Variants in DDN observed in about 807,000 individuals in gnomAD.
The protein encoded by DDN is dendrin.
Under a neutral mutation model 7.3 loss-of-function variants are expected in DDN, and 4 were observed. That is an observed-to-expected ratio of 0.55 (90% CI 0.27 to 1.25). The LOEUF (loss-of-function observed/expected upper bound fraction) is 1.25. DDN is among the 50% of genes most tolerant of loss of function. The pLI, the probability that DDN is intolerant of heterozygous loss-of-function variation, is 0.12. For synonymous variants in DDN, 425 were observed against 424.3 expected (o/e 1.00, Z -0.02); for missense variants, 933 against 974.7 (o/e 0.96, Z 0.57).
In DDN at chr12:48,998,284, G is replaced by T; in HGVS notation, c.592C>A (p.Pro198Thr). 6.2e-7 allele frequency: 1 copy of T among 1,602,102 alleles called. No homozygotes were observed. The highest frequency in any genetic ancestry group is 8.5e-7 in the Non-Finnish European group (1 of 1,175,712). The change falls in exon 2 of 2, where the codon CCC becomes ACC. Residue 198 changes from proline (P) to threonine (T), a missense_variant. By Grantham distance (38) the Pro-to-Thr change is conservative (BLOSUM62 -1). Coordinates refer to ENST00000421952, the MANE Select transcript of DDN (RefSeq NM_015086.2). The part of the protein sequence containing the change: ...AWAGPWGGRR[P>T]GPPSYEAHLL... ...TGAGCCTCGTAGCTTGGGGGCCCGG[G>T]CCGCCGACCTCCCCAGGGCCCCGCC...
In DDN at chr12:48,999,364, C is replaced by A; in HGVS notation, c.-77G>T. On this transcript the variant is annotated 5_prime_UTR_variant, in exon 1 of 2. Transcript: ENST00000421952. Reference sequence around the variant, plus strand: ...CCTCCCAGCCCAGGGAGCCGGCGCCCACTGCAGAGCCGCGGGCCCGGGGAC... The same window carrying A: ...CCTCCCAGCCCAGGGAGCCGGCGCCAACTGCAGAGCCGCGGGCCCGGGGAC... 2 of 1,358,556 alleles carry A rather than the reference C, an allele frequency of 1.5e-6. No individual in the cohort carries two copies. Among genetic ancestry groups the A allele is most frequent in the South Asian group, 1.4e-5 (1 of 70,830 alleles). The allele number at this position is 1,358,556 out of a possible 1,614,324, so 84.2% of individuals were successfully genotyped here.
Position 48,997,070 on chromosome 12 carries a change from C to A in DDN, c.1806G>T (p.Arg602=). ...VQRRAGRGWA[R]TPGPYAGALR... ...GGGCCCCGGCGTAGGGCCCTGGGGT[C>A]CGCGCCCAGCCCCGGCCGGCGCGCC... The change falls in exon 2 of 2, where the codon CGG becomes CGT. Residue 602 remains arginine, a synonymous_variant. Coordinates refer to ENST00000421952, the MANE Select transcript of DDN (RefSeq NM_015086.2). 6.6e-7 allele frequency: 1 copy of A among 1,525,768 alleles called. No individual in the cohort carries two copies. The highest frequency in any genetic ancestry group is 8.7e-7 in the Non-Finnish European group (1 of 1,144,810). 94.5% of individuals were successfully genotyped at this position (1,525,768 alleles called of 1,614,324 possible).
chr12:48,997,068 G>T lies in DDN; in HGVS notation c.1808C>A (p.Thr603Asn), dbSNP rs757772276. 2 of 1,528,196 alleles carry T rather than the reference G, an allele frequency of 1.3e-6. No individual in the cohort carries two copies. Among genetic ancestry groups the T allele is most frequent in the East Asian group, 2.3e-5 (1 of 44,122 alleles). The allele number at this position is 1,528,196 out of a possible 1,614,324, so 94.7% of individuals were successfully genotyped here. A position where few individuals can be genotyped will look rare whatever the true frequency, so the allele number is the denominator to read the frequency against. Residue 603 changes from threonine to asparagine, a missense_variant, in exon 2 of 2, where the codon ACC becomes AAC. Physicochemically the swap from Thr to Asn is moderately conservative, Grantham distance 65 (BLOSUM62 0). Transcript: ENST00000421952. ...CAGGGCCCCGGCGTAGGGCCCTGGG[G>T]TCCGCGCCCAGCCCCGGCCGGCGCG... ...QRRAGRGWAR[T>N]PGPYAGALRE...
rs1390408867 is a variant in DDN at position 48,996,957 on chromosome 12, G to A, written c.1919C>T (p.Ser640Phe). 2 of 1,579,944 alleles carry A rather than the reference G, an allele frequency of 1.3e-6. No homozygotes were observed. Among genetic ancestry groups the A allele is most frequent in the Admixed American group, 1.9e-5 (1 of 53,792 alleles). The change falls in exon 2 of 2, where the codon TCC becomes TTC. Residue 640 changes from serine to phenylalanine, a missense_variant. Ser to Phe is a radical substitution (Grantham distance 155, BLOSUM62 -2). Coordinates refer to ENST00000421952, the MANE Select transcript of DDN (RefSeq NM_015086.2). The stretch of plus-strand genomic sequence containing the variant: ...GGCTTCTGTGTCGCTTCCATCAGAG[G>A]AGCCGCTATGGACGCTGAGCTCCTC... ...EAEELSVHSG[S>F]SDGSDTEAPG...
Position 48,998,304 on chromosome 12 carries a change from C to T in DDN, c.572G>A (p.Gly191Glu). 1.3e-6 allele frequency: 2 copies of T among 1,585,190 alleles called. No individual in the cohort carries two copies. The highest frequency in any genetic ancestry group is 1.1e-5 in the South Asian group (1 of 88,862). Residue 191 changes from glycine (G) to glutamate (E), a missense_variant, in exon 2 of 2, where the codon GGG becomes GAG. Coordinates refer to ENST00000421952, the MANE Select transcript of DDN (RefSeq NM_015086.2). ...CCCGGGCCGCCGACCTCCCCAGGGC[C>T]CCGCCCACGCCGACCCTGGGTCGCT... Reference protein sequence around the residue: ...PQSDPGSAWAGPWGGRRPGPP... With the variant: ...PQSDPGSAWAEPWGGRRPGPP...
chr12:48,998,747 C>A, intron 1 of DDN, 81 bp from the exon 2 acceptor site: 1 of 1,414,766 alleles, frequency 7.1e-7, no homozygotes. Context: ...GCACTGGAGA[C>A]CACTTGGGGC....
rs533283963 is a variant in DDN at position 48,996,709 on chromosome 12, C to T, written c.*31G>A. The T allele has an allele frequency of 2.7e-5, 43 of 1,601,404 alleles. No homozygotes were observed. The highest frequency in any genetic ancestry group is 3.6e-5 in the Non-Finnish European group (42 of 1,171,508). Reference sequence around the variant, plus strand: ...GGACCAGTGGACCCAAGGATGGATGCGTTGGGGACACAAATACAAGAAGGG... The same window carrying T: ...GGACCAGTGGACCCAAGGATGGATGTGTTGGGGACACAAATACAAGAAGGG... On this transcript the variant is annotated 3_prime_UTR_variant, in exon 2 of 2. Transcript: ENST00000421952.
In DDN at chr12:48,997,055, G is replaced by T; in HGVS notation, c.1821C>A (p.Tyr607Ter). 6.5e-7 allele frequency: 1 copy of T among 1,547,390 alleles called. No individual in the cohort carries two copies. Reference sequence around the variant, plus strand: ...ACACGGCTTCTCGCAGGGCCCCGGCGTAGGGCCCTGGGGTCCGCGCCCAGC... The same window carrying T: ...ACACGGCTTCTCGCAGGGCCCCGGCTTAGGGCCCTGGGGTCCGCGCCCAGC... ...GRGWARTPGP[Y>*]AGALREAVSR... Residue 607 changes from tyrosine to a stop codon, truncating the protein, a stop_gained, in exon 2 of 2, where the codon TAC (tyrosine) becomes TAA (stop). Coordinates refer to ENST00000421952, the MANE Select transcript of DDN (RefSeq NM_015086.2). LOFTEE classifies it high-confidence loss of function.
chr12:48,997,554 CG>C lies in DDN; in HGVS notation c.1321del (p.Arg441AlafsTer20). The C allele has an allele frequency of 6.2e-7, 1 of 1,601,358 alleles. No homozygotes were observed. Among genetic ancestry groups the C allele is most frequent in the Non-Finnish European group, 8.5e-7 (1 of 1,171,494 alleles). ...KATRRAHTLP[R>X]SSQGLSRGEG... ...CCCACGGGACAGGCCCTGGGAACTG[CG>C]GGGCAAGGTGTGGGCACGGCGGGTC... is the stretch of plus-strand genomic sequence containing the variant. On this transcript the variant is annotated frameshift_variant, in exon 2 of 2. Coordinates refer to ENST00000421952, the MANE Select transcript of DDN (RefSeq NM_015086.2). LOFTEE classifies it low-confidence loss of function (END_TRUNC).
At position 48,995,730 on chromosome 12, in the gene DDN, C is replaced by T. The variant is rs906573625; in HGVS notation, c.*1010G>A. On this transcript the variant is annotated 3_prime_UTR_variant, in exon 2 of 2. Coordinates refer to ENST00000421952, the MANE Select transcript of DDN (RefSeq NM_015086.2). ...GGATTTTTTCAGGTGGGCGATACCA[C>T]CTGGGAGGGAGATCGTGGCCACGCC... 1 of 152,328 alleles carries T rather than the reference C, an allele frequency of 6.6e-6. No individual in the cohort carries two copies. Among genetic ancestry groups the T allele is most frequent in the East Asian group, 1.9e-4 (1 of 5,196 alleles). The allele number at this position is 152,328 out of a possible 1,614,324, so 9.4% of individuals were successfully genotyped here.
chr12:48,997,605 G>C lies in DDN; in HGVS notation c.1271C>G (p.Pro424Arg). 1 of 1,559,490 alleles carries C rather than the reference G, an allele frequency of 6.4e-7. No individual in the cohort carries two copies. The highest frequency in any genetic ancestry group is 1.2e-5 in the South Asian group (1 of 82,996). Residue 424 changes from proline to arginine, a missense_variant, in exon 2 of 2, where the codon CCG becomes CGG. Physicochemically the swap from Pro to Arg is moderately radical, Grantham distance 103 (BLOSUM62 -2). Transcript: ENST00000421952. ...CGCCTTCCAACCCTCCAGGGTCTCC[G>C]GTCCTGCCCCCTCTCCAAGACCCAG... ...ESLGLGEGAGPETLEGWKATR... is the reference protein window; with the variant it reads ...ESLGLGEGAGRETLEGWKATR...
Position 48,999,152 on chromosome 12 carries a change from T to C in DDN, c.136A>G (p.Ser46Gly). Reference sequence around the variant, plus strand: ...GGCTGTCGAGAAGGGGCGCGGCGACTATAATGACAGGAAATAGTCTTCACT... The same window carrying C: ...GGCTGTCGAGAAGGGGCGCGGCGACCATAATGACAGGAAATAGTCTTCACT... The part of the protein sequence containing the change: ...IEVKTISCHY[S>G]RRAPSRQPMD... The change falls in exon 1 of 2, where the codon AGT becomes GGT. Residue 46 changes from serine (S) to glycine (G), a missense_variant. Coordinates refer to ENST00000421952, the MANE Select transcript of DDN (RefSeq NM_015086.2). 6.2e-7 allele frequency: 1 copy of C among 1,614,088 alleles called. No homozygotes were observed. Among genetic ancestry groups the C allele is most frequent in the African/African-American group, 1.3e-5 (1 of 75,010 alleles).
rs1479847063 is a variant in DDN, at chr12:48,995,681, A to T, written c.*1059T>A. On this transcript the variant is annotated 3_prime_UTR_variant, in exon 2 of 2. Coordinates refer to ENST00000421952, the MANE Select transcript of DDN (RefSeq NM_015086.2). ...TCCTTGCCTGGCCGGTTTCTGGAAG[A>T]GGCCAAGATGGGAGAAATTCTCAGG... 1 of 152,284 alleles carries T rather than the reference A, an allele frequency of 6.6e-6. No individual in the cohort carries two copies. Among genetic ancestry groups the T allele is most frequent in the Non-Finnish European group, 1.5e-5 (1 of 68,058 alleles). The allele number at this position is 152,284 out of a possible 1,614,324, so 9.4% of individuals were successfully genotyped here.
Position 48,998,151 on chromosome 12 carries a change from G to A in DDN, c.725C>T (p.Thr242Ile). The A allele has an allele frequency of 6.2e-7, 1 of 1,613,390 alleles. No individual in the cohort carries two copies. Among genetic ancestry groups the A allele is most frequent in the Non-Finnish European group, 8.5e-7 (1 of 1,179,922 alleles). ...SYEGPHRTLGTKRGPGNSQVP... is the reference protein window; with the variant it reads ...SYEGPHRTLGIKRGPGNSQVP... Reference sequence around the variant, plus strand: ...CTGAGAGTTCCCGGGGCCTCTCTTAGTCCCCAAGGTCCTATGGGGGCCTTC... The same window carrying A: ...CTGAGAGTTCCCGGGGCCTCTCTTAATCCCCAAGGTCCTATGGGGGCCTTC... Residue 242 changes from threonine to isoleucine, a missense_variant, in exon 2 of 2, where the codon ACT becomes ATT. Thr to Ile is a moderately conservative substitution (Grantham distance 89). Coordinates refer to ENST00000421952, the MANE Select transcript of DDN (RefSeq NM_015086.2).
rs1941223326 is a variant in DDN, at chr12:48,997,398, G to A, written c.1478C>T (p.Ser493Leu). ...TRVVGDSPSQ[S>L]KPGKEEGEGA... Reference sequence around the variant, plus strand: ...TTCACCCTCCTCCTTGCCGGGCTTCGATTGGCTGGGGGAATCCCCCACCAC... The same window carrying A: ...TTCACCCTCCTCCTTGCCGGGCTTCAATTGGCTGGGGGAATCCCCCACCAC... The change falls in exon 2 of 2, where the codon TCG becomes TTG. Residue 493 changes from serine (S) to leucine (L), a missense_variant. Coordinates refer to ENST00000421952, the MANE Select transcript of DDN (RefSeq NM_015086.2). The A allele has an allele frequency of 1.9e-6, 3 of 1,613,910 alleles. No homozygotes were observed. Among genetic ancestry groups the A allele is most frequent in the East Asian group, 2.2e-5 (1 of 44,886 alleles).
Position 48,997,640 on chromosome 12 carries a change from C to T in DDN, c.1236G>A (p.Trp412Ter). ...CCTCTCCAAGACCCAGAGATTCTCT[C>T]CATCCGGTGCCTCCGGGAGCCCAGG... ...PRPWAPGGTG[W>*]RESLGLGEGA... is the part of the protein sequence containing the mutation. The change falls in exon 2 of 2, where the codon TGG becomes TGA. Residue 412 changes from tryptophan (W) to a stop codon, truncating the protein, a stop_gained. Coordinates refer to ENST00000421952, the MANE Select transcript of DDN (RefSeq NM_015086.2). LOFTEE classifies it low-confidence loss of function (END_TRUNC). 1 of 1,547,976 alleles carries T rather than the reference C, an allele frequency of 6.5e-7. No individual in the cohort carries two copies. Among genetic ancestry groups the T allele is most frequent in the Non-Finnish European group, 8.7e-7 (1 of 1,145,954 alleles).
chr12:48,996,913 T>A lies in DDN; in HGVS notation c.1963A>T (p.Asn655Tyr). The change falls in exon 2 of 2, where the codon AAT becomes TAT. Residue 655 changes from asparagine to tyrosine, a missense_variant. Transcript: ENST00000421952. The part of the protein sequence containing the change: ...DTEAPGASWR[N>Y]ERTLPEVGNS... ...CCAACCTCGGGCAGGGTCCTCTCATTCCGCCAGGAGGCGCCCGGGGCTTCT... is the reference window on the plus strand; with the variant it reads ...CCAACCTCGGGCAGGGTCCTCTCATACCGCCAGGAGGCGCCCGGGGCTTCT... 2.5e-6 allele frequency: 4 copies of A among 1,611,428 alleles called. No homozygotes were observed. Among genetic ancestry groups the A allele is most frequent in the Non-Finnish European group, 3.4e-6 (4 of 1,178,748 alleles).
chr12:48,999,310 C>A lies in DDN; in HGVS notation c.-23G>T. Reference sequence around the variant, plus strand: ...CATCCTGCCCCACCCCACCCCGGCCCCCCACCCTCCCACCCGCCCCAGGAG... The same window carrying A: ...CATCCTGCCCCACCCCACCCCGGCCACCCACCCTCCCACCCGCCCCAGGAG... On this transcript the variant is annotated 5_prime_UTR_variant, in exon 1 of 2. Transcript: ENST00000421952. 6.6e-7 allele frequency: 1 copy of A among 1,510,460 alleles called. No homozygotes were observed. Among genetic ancestry groups the A allele is most frequent in the Non-Finnish European group, 8.8e-7 (1 of 1,131,180 alleles). The allele number at this position is 1,510,460 out of a possible 1,614,324, so 93.6% of individuals were successfully genotyped here.
Position 48,998,457 on chromosome 12 carries a change from G to T in DDN, c.419C>A (p.Pro140Gln), listed in dbSNP as rs757717372. Residue 140 changes from proline to glutamine, a missense_variant, in exon 2 of 2, where the codon CCG becomes CAG. By Grantham distance (76) the Pro-to-Gln change is moderately conservative. Coordinates refer to ENST00000421952, the MANE Select transcript of DDN (RefSeq NM_015086.2). ...GCGGGGCTCCGGGCGGGGTCGACCCGGGGGGCTCCGTCGGGCCCCACCAGC... is the reference window on the plus strand; with the variant it reads ...GCGGGGCTCCGGGCGGGGTCGACCCTGGGGGCTCCGTCGGGCCCCACCAGC... Reference protein sequence around the residue: ...RKAGGARRSPPGRPRPEPRNA... With the variant: ...RKAGGARRSPQGRPRPEPRNA... 6.4e-7 allele frequency: 1 copy of T among 1,553,910 alleles called. No homozygotes were observed. Among genetic ancestry groups the T allele is most frequent in the Non-Finnish European group, 8.6e-7 (1 of 1,159,352 alleles).
Sources: allele counts gnomAD v4.1 joint callset, GRCh38; gene constraint gnomAD v4.1.1; transcripts MANE v1.5; gene names NCBI Gene and HGNC (gene_info 2026-07-23, HGNC 2026-07-21).